The following C1QTNF1 variants were observed in gnomAD, a reference collection of about 807,000 sequenced individuals.
C1QTNF1 encodes the protein C1q and TNF related 1.
A neutral mutation model predicts 27.8 loss-of-function variants in C1QTNF1; 22 were observed. That is an observed-to-expected ratio of 0.79 (90% CI 0.56 to 1.13). The LOEUF (loss-of-function observed/expected upper bound fraction) is 1.13, where lower values mean the gene tolerates loss of function less well. C1QTNF1 is among the 50% of genes most tolerant of loss of function. The probability of loss-of-function intolerance (pLI) is 0.00; values close to 1 mark genes in which losing one functional copy is unlikely to be tolerated. For synonymous variants in C1QTNF1, 166 were observed against 154.3 expected (o/e 1.08, Z -0.56); for missense variants, 373 against 380.2 (o/e 0.98, Z 0.16).
Position 79,047,972 on chromosome 17 carries a change from G to T in C1QTNF1, c.730G>T (p.Asp244Tyr). The change falls in exon 4 of 4, where the codon GAC becomes TAC. Residue 244 changes from aspartate to tyrosine, a missense_variant. Asp to Tyr is a radical substitution (Grantham distance 160). Transcript: ENST00000579760. ...QSLMLELREQ[D>Y]QVWVRLYKGE... ...CCTGATGCTGGAGCTGCGAGAGCAG[G>T]ACCAGGTGTGGGTACGCCTCTACAA... 6.2e-7 allele frequency: 1 copy of T among 1,613,734 alleles called. No individual in the cohort carries two copies. Among genetic ancestry groups the T allele is most frequent in the African/African-American group, 1.3e-5 (1 of 75,050 alleles).
intron 1 of C1QTNF1, among the ~76,000 whole-genome samples, chr17:79,037,556 G>A (rs144133737): frequency 0.013 from 2,032 of 151,794 alleles, 59 homozygotes; most frequent in African/African-American, 0.044. Flanking sequence ...GAGCCACTGC[G>A]CCCAGCCAAA....
At chr17:79,037,047 G>A (rs928932501) in intron 1 of C1QTNF1, among the ~76,000 whole-genome samples, 1 of 152,234 alleles carries the variant, frequency 6.6e-6, no homozygotes, top group Non-Finnish European at 1.5e-5. Context: ...CAGCACACAA[G>A]CATGAGAGCA....
chr17:79,031,766 C>T (rs2072145705), intron 1 of C1QTNF1, among the ~76,000 whole-genome samples: 1 of 152,196 alleles, frequency 6.6e-6, no homozygotes, highest in South Asian at 2.1e-4. Flanking sequence ...AGACTGTCTT[C>T]CTGGACATGT....
chr17:79,047,830 C>G lies in C1QTNF1; in HGVS notation c.588C>G (p.Ser196Arg). 6.2e-7 allele frequency: 1 copy of G among 1,614,216 alleles called. No individual in the cohort carries two copies. Among genetic ancestry groups the G allele is most frequent in the South Asian group, 1.1e-5 (1 of 91,082 alleles). Reference sequence around the variant, plus strand: ...ACGTGCCCGGCCTCTACTTCTTCAGCCTCAACGTGCACACCTGGAACCAGA... The same window carrying G: ...ACGTGCCCGGCCTCTACTTCTTCAGGCTCAACGTGCACACCTGGAACCAGA... Reference protein sequence around the residue: ...YCYVPGLYFFSLNVHTWNQKE... With the variant: ...YCYVPGLYFFRLNVHTWNQKE... The change falls in exon 4 of 4, where the codon AGC becomes AGG. Residue 196 changes from serine (S) to arginine (R), a missense_variant. Transcript: ENST00000579760.
At chr17:79,041,046 C>G (rs1444906804) in intron 1 of C1QTNF1, among the ~76,000 whole-genome samples, 1 of 152,208 alleles carries the variant, frequency 6.6e-6, no homozygotes, top group Non-Finnish European at 1.5e-5. Context: ...AGGAAATGTT[C>G]TCAAACCTAA....
At chr17:79,041,507 G>T (rs59824781) in intron 1 of C1QTNF1, among the ~76,000 whole-genome samples, 1 of 152,090 alleles carries the variant, frequency 6.6e-6, no homozygotes, top group African/African-American at 2.4e-5. Flanking sequence ...GTCCTGGGCC[G>T]TGGCTCACGC....
At chr17:79,029,881 G>A (rs2072079627) in intron 1 of C1QTNF1, among the ~76,000 whole-genome samples, 2 of 152,170 alleles carry the variant, frequency 1.3e-5, no homozygotes. Flanking sequence ...ACTGCCCAAG[G>A]GAAAGGGCAT....
chr17:79,043,696 G>A (rs1568069433), intron 1 of C1QTNF1: 2 of 595,448 alleles, frequency 3.4e-6, no homozygotes, highest in Admixed American at 4.3e-5. Flanking sequence ...GTGTGTGCAT[G>A]TGTGGGGGTT....
intron 1 of C1QTNF1, among the ~76,000 whole-genome samples, chr17:79,043,049 CAT>C (rs369426550): frequency 4.0e-5 from 6 of 149,340 alleles, no homozygotes; most frequent in African/African-American, 1.2e-4. Context: ...AATGTGTGTG[CAT>C]GTGTGGGTTG....
chr17:79,025,922 G>C (rs779268042), intron 1 of C1QTNF1: 25 of 439,148 alleles, frequency 5.7e-5, no homozygotes, highest in Non-Finnish European at 9.7e-5. Context: ...TCATCATCAT[G>C]ATGTCAGCCA....
At chr17:79,040,980 T>C (rs937336892) in intron 1 of C1QTNF1, among the ~76,000 whole-genome samples, 4 of 151,968 alleles carry the variant, frequency 2.6e-5, no homozygotes, top group Non-Finnish European at 2.9e-5. Context: ...CATGAATGTA[T>C]ATTGTCTCCC....
At chr17:79,026,103 CAG>C (rs2071949878) in intron 1 of C1QTNF1, among the ~76,000 whole-genome samples, 1 of 152,010 alleles carries the variant, frequency 6.6e-6, no homozygotes, top group Non-Finnish European at 1.5e-5. Flanking sequence ...GTCTCAGAGA[CAG>C]GGATGGAGGA....
rs962560797 is a variant in C1QTNF1, at chr17:79,049,156, G to T, written c.*1068G>T. On this transcript the variant is annotated 3_prime_UTR_variant, in exon 4 of 4. Transcript: ENST00000579760. This position sits in a 1 kb window ranked among gnomAD's most constrained non-coding sequence, Gnocchi z 4.4. The stretch of plus-strand genomic sequence containing the variant: ...AGCAAGGCTGATCCAGACCCCTTCT[G>T]CCCCCACTGCCCTCATCCAGGCCTC... The T allele has an allele frequency of 6.6e-6, 1 of 152,406 alleles. No homozygotes were observed. Among genetic ancestry groups the T allele is most frequent in the African/African-American group, 2.4e-5 (1 of 41,450 alleles). The allele number at this position is 152,406 out of a possible 1,614,324, so 9.4% of individuals were successfully genotyped here.
intron 1 of C1QTNF1, among the ~76,000 whole-genome samples, chr17:79,028,553 G>A (rs78595091): frequency 6.6e-6 from 1 of 152,188 alleles, no homozygotes; most frequent in East Asian, 1.9e-4. Context: ...GGTGGGTTAG[G>A]GGGTGACCAC....
chr17:79,023,844 C>T (rs1368179442), upstream of C1QTNF1, among the ~76,000 whole-genome samples: 6 of 152,246 alleles, frequency 3.9e-5, no homozygotes, highest in East Asian at 1.2e-3. Flanking sequence ...GACCTGACCC[C>T]TCAGGGTTGG....
chr17:79,028,909 T>TGTGC (rs2072050960), intron 1 of C1QTNF1, among the ~76,000 whole-genome samples: 1 of 150,058 alleles, frequency 6.7e-6, no homozygotes, highest in South Asian at 2.1e-4. Flanking sequence ...TGTGTGTGTG[T>TGTGC]GTGCATGCAC....
chr17:79,043,507 TGTG>T (rs1464640001), intron 1 of C1QTNF1: 2 of 447,518 alleles, frequency 4.5e-6, no homozygotes, highest in Admixed American at 2.4e-5. Flanking sequence ...GTGCATGTGA[TGTG>T]GGTATATGTA....
intron 1 of C1QTNF1, among the ~76,000 whole-genome samples, chr17:79,028,386 T>G (rs1200954980): frequency 1.3e-5 from 2 of 152,068 alleles, no homozygotes; most frequent in African/African-American, 4.8e-5. Flanking sequence ...CCTGGGTGGG[T>G]TCGAGGCAGA....
At chr17:79,035,849 G>A (rs1311093063) in intron 1 of C1QTNF1, among the ~76,000 whole-genome samples, 2 of 152,220 alleles carry the variant, frequency 1.3e-5, no homozygotes, top group Admixed American at 6.5e-5. Context: ...CCCTGGAAAA[G>A]GCAGACGAAG....
Sources: gnomAD v4.1 joint callset for allele counts (sites outside exome capture counted in the v4.1 genomes callset) on GRCh38, gnomAD v4.1.1 for gene constraint, Gnocchi (gnomAD v3.1) non-coding constraint, MANE v1.5 for transcripts, NCBI Gene and HGNC (gene_info 2026-07-23, HGNC 2026-07-21) for gene names.